SEPTIN9: variants seen among roughly 807,000 people sequenced by gnomAD.
SEPTIN9 encodes the protein septin 9, also known as septin-9.
SEPTIN9 carries 13 observed loss-of-function variants against 56.6 expected under a neutral mutation model. The ratio of observed to expected loss-of-function variants is 0.23; its 90% CI spans 0.15 to 0.37. The LOEUF is 0.37. Ranked by LOEUF, SEPTIN9 falls within the 10% of genes least tolerant of loss-of-function variation. The probability of loss-of-function intolerance (pLI) is 1.00; values close to 1 mark genes in which losing one functional copy is unlikely to be tolerated. For missense variants in SEPTIN9, 650 were observed against 823.1 expected, an observed-to-expected ratio of 0.79 and a Z score of 2.57; for synonymous variants, 332 against 334.1, an observed-to-expected ratio of 0.99 and a Z score of 0.07.
intron 2 of SEPTIN9, among the ~76,000 whole-genome samples, chr17:77,394,935 A>G (rs1195993452): frequency 6.6e-6 from 1 of 152,168 alleles, no homozygotes; most frequent in Non-Finnish European, 1.5e-5. Context: ...CTGAGACCGT[A>G]GGTGCTTGAG....
At position 77,434,803 on chromosome 17, in the gene SEPTIN9, C is replaced by T. The variant is rs1219142784; in HGVS notation, c.721+32100C>T. The stretch of plus-strand genomic sequence containing the variant: ...TGCACCTGGACCTTGGGTGGCAGGC[C>T]TGGGGCCTTCAGTCCTTAATTCAGG... On this transcript the variant is annotated intron_variant, in intron 3 of 11. Coordinates refer to ENST00000427177, the MANE Select transcript of SEPTIN9 (RefSeq NM_001113491.2). The surrounding 1 kb of genome is among the most constrained non-coding windows in gnomAD (Gnocchi z 5.0). Among the ~76,000 whole-genome samples the T allele has an allele frequency of 1.3e-5, 2 of 152,204 alleles. No homozygotes were observed. The highest frequency in any genetic ancestry group is 1.3e-4 in the Admixed American group (2 of 15,282).
At chr17:77,284,882 C>A (rs1217996712) in intron 1 of SEPTIN9, among the ~76,000 whole-genome samples, 1 of 152,196 alleles carries the variant, frequency 6.6e-6, no homozygotes, top group Non-Finnish European at 1.5e-5. Flanking sequence ...CCTGCCTTGG[C>A]CTCCCAAAGT....
chr17:77,356,114 G>T (rs1598244082), intron 2 of SEPTIN9, among the ~76,000 whole-genome samples: 1 of 152,162 alleles, frequency 6.6e-6, no homozygotes, highest in African/African-American at 2.4e-5. Context: ...GACCAGGGCT[G>T]CCCTCTCAGG....
At chr17:77,486,435 AGCC>A (rs2039781726) in intron 4 of SEPTIN9, among the ~76,000 whole-genome samples, 1 of 151,810 alleles carries the variant, frequency 6.6e-6, no homozygotes, top group Non-Finnish European at 1.5e-5. Context: ...TTGCTAGCGT[AGCC>A]CAAGGCAGCT....
At chr17:77,356,405 T>C (rs1342244061) in intron 2 of SEPTIN9, among the ~76,000 whole-genome samples, 1 of 151,634 alleles carries the variant, frequency 6.6e-6, no homozygotes, top group Admixed American at 6.6e-5. Context: ...ACGGGTTGAG[T>C]GTAACTCCCA....
At chr17:77,430,332 G>C (rs1401476954) in intron 3 of SEPTIN9, among the ~76,000 whole-genome samples, 1 of 152,180 alleles carries the variant, frequency 6.6e-6, no homozygotes, top group Non-Finnish European at 1.5e-5. Flanking sequence ...AGTCTCTCCT[G>C]TCACACCCCC....
chr17:77,461,590 A>C (rs2038475772), intron 3 of SEPTIN9, among the ~76,000 whole-genome samples: 1 of 152,228 alleles, frequency 6.6e-6, no homozygotes, highest in African/African-American at 2.4e-5. Flanking sequence ...TGATAGCTTT[A>C]TGGAGATAGA....
intron 3 of SEPTIN9, among the ~76,000 whole-genome samples, chr17:77,430,074 C>T (rs898747713): frequency 1.3e-5 from 2 of 152,206 alleles, no homozygotes; most frequent in East Asian, 3.9e-4. Context: ...CTGTGTCTGG[C>T]CAGCCTCACT....
rs1483102830 is a variant in SEPTIN9 at position 77,487,572 on chromosome 17, C to T, written c.1042+20C>T. 2.5e-6 allele frequency: 4 copies of T among 1,611,438 alleles called. No homozygotes were observed. The African/African-American group carries it at 5.4e-5, about 22-fold the overall frequency. Reference sequence around the variant, plus strand: ...CGCACGGTCAGTGGCCGGGAGTGGGCTGGGGGTGCAGGACGCCCCTGCCTT... The same window carrying T: ...CGCACGGTCAGTGGCCGGGAGTGGGTTGGGGGTGCAGGACGCCCCTGCCTT... On this transcript the variant is annotated intron_variant, in intron 5 of 11. Transcript: ENST00000427177. The surrounding 1 kb of genome is among the most constrained non-coding windows in gnomAD (Gnocchi z 4.3).
intron 2 of SEPTIN9, among the ~76,000 whole-genome samples, chr17:77,366,345 A>G (rs2034570648): frequency 1.3e-5 from 2 of 152,184 alleles, no homozygotes; most frequent in South Asian, 4.1e-4. Context: ...TGGAGTAGGA[A>G]CAGGAGTAGG....
At chr17:77,339,109 T>C (rs2033647607) in intron 2 of SEPTIN9, among the ~76,000 whole-genome samples, 1 of 152,196 alleles carries the variant, frequency 6.6e-6, no homozygotes, top group Non-Finnish European at 1.5e-5. Flanking sequence ...CTTCCTCTGC[T>C]GAAGTCTTAA....
At chr17:77,284,263 A>G (rs1039915522) in intron 1 of SEPTIN9, among the ~76,000 whole-genome samples, 2 of 152,222 alleles carry the variant, frequency 1.3e-5, no homozygotes, top group Non-Finnish European at 2.9e-5. Flanking sequence ...GGAAATAGAC[A>G]CGGCACTCCA....
Position 77,449,452 on chromosome 17 carries a change from G to A in SEPTIN9, c.722-32692G>A, listed in dbSNP as rs1299694650. Among the ~76,000 whole-genome samples the A allele has an allele frequency of 2.0e-5, 3 of 152,164 alleles. No individual in the cohort carries two copies. Among genetic ancestry groups the A allele is most frequent in the Admixed American group, 6.5e-5 (1 of 15,278 alleles). On this transcript the variant is annotated intron_variant, in intron 3 of 11. Transcript: ENST00000427177. The surrounding 1 kb of genome is among the most constrained non-coding windows in gnomAD (Gnocchi z 4.6). ...GGAGGCTGGGCTTGGAGGAGAGCAGGGTCTTGGGCCCTGGGAAAAGCCTGG... is the reference window on the plus strand; with the variant it reads ...GGAGGCTGGGCTTGGAGGAGAGCAGAGTCTTGGGCCCTGGGAAAAGCCTGG...
In SEPTIN9 at chr17:77,433,206, C is replaced by T. The variant is rs761236244; in HGVS notation, c.721+30503C>T. ...GATCCTCCATCCCACCATCTCCAGC[C>T]GTGGTGTCCCTCTCGGTCACAGGAT... On this transcript the variant is annotated intron_variant, in intron 3 of 11. Coordinates refer to ENST00000427177, the MANE Select transcript of SEPTIN9 (RefSeq NM_001113491.2). The surrounding 1 kb of genome is among the most constrained non-coding windows in gnomAD (Gnocchi z 6.4). Among the ~76,000 whole-genome samples, 2 of 152,174 alleles carry T rather than the reference C, an allele frequency of 1.3e-5. No homozygotes were observed. Among genetic ancestry groups the T allele is most frequent in the East Asian group, 1.9e-4 (1 of 5,192 alleles).
At chr17:77,418,927 C>T (rs2036598059) in intron 3 of SEPTIN9, among the ~76,000 whole-genome samples, 1 of 152,124 alleles carries the variant, frequency 6.6e-6, no homozygotes, top group Admixed American at 6.5e-5. Flanking sequence ...CTGTCATGTC[C>T]CCTCTCCCCT....
Position 77,369,511 on chromosome 17 carries a change from G to T in SEPTIN9, c.77-32548G>T, listed in dbSNP as rs1412759210. Among the ~76,000 whole-genome samples, 1 of 152,212 alleles carries T rather than the reference G, an allele frequency of 6.6e-6. No homozygotes were observed. Among genetic ancestry groups the T allele is most frequent in the Non-Finnish European group, 1.5e-5 (1 of 68,038 alleles). ...ACTTGGCTTGAGCAACTAGGTGGATGGTAGCACCGTTTCCTAAGATGAGGG... is the reference window on the plus strand; with the variant it reads ...ACTTGGCTTGAGCAACTAGGTGGATTGTAGCACCGTTTCCTAAGATGAGGG... On this transcript the variant is annotated intron_variant, in intron 2 of 11. Transcript: ENST00000427177. This position sits in a 1 kb window ranked among gnomAD's most constrained non-coding sequence, Gnocchi z 4.9.
Position 77,449,867 on chromosome 17 carries a change from G to A in SEPTIN9, c.722-32277G>A, listed in dbSNP as rs1319130342. 3.3e-5 allele frequency among the ~76,000 whole-genome samples: 5 copies of A among 152,214 alleles called. No homozygotes were observed. The highest frequency in any genetic ancestry group is 5.9e-5 in the Non-Finnish European group (4 of 68,044). ...GTGTGTGTCTTGCTGTAATTTTGGC[G>A]ACTGGTGTTGGTGGTGCCCATTTTA... On this transcript the variant is annotated intron_variant, in intron 3 of 11. Transcript: ENST00000427177. The surrounding 1 kb of genome is among the most constrained non-coding windows in gnomAD (Gnocchi z 4.6).
At chr17:77,411,518 C>T (rs2036299031) in intron 3 of SEPTIN9, among the ~76,000 whole-genome samples, 1 of 151,980 alleles carries the variant, frequency 6.6e-6, no homozygotes, top group African/African-American at 2.4e-5. Context: ...TCTCCTGCCT[C>T]AGCCTCCCAA....
At chr17:77,281,662 C>G in intron 1 of SEPTIN9, 108 bp downstream of exon 1, 1 of 1,135,128 alleles carries the variant, frequency 8.8e-7, no homozygotes, top group South Asian at 1.5e-5. Flanking sequence ...CTGAGCGAGT[C>G]CCCGCGGCGG....
Sources: gnomAD v4.1 joint callset for allele counts (sites outside exome capture counted in the v4.1 genomes callset) on GRCh38, gnomAD v4.1.1 for gene constraint, Gnocchi (gnomAD v3.1) non-coding constraint, MANE v1.5 for transcripts, NCBI Gene and HGNC (gene_info 2026-07-23, HGNC 2026-07-21) for gene names.